HIVEP3: variants seen among roughly 807,000 people sequenced by gnomAD.
HIVEP3 encodes HIVEP zinc finger 3.
Under a neutral mutation model 152.8 loss-of-function variants are expected in HIVEP3, and 49 were observed. The ratio of observed to expected loss-of-function variants is 0.32; its 90% CI spans 0.26 to 0.41. HIVEP3 has a LOEUF of 0.41. Ranked by LOEUF, HIVEP3 falls within the 10% of genes least tolerant of loss-of-function variation. HIVEP3 has a pLI of 1.00. For missense variants in HIVEP3, 2,790 were observed against 3,103.3 expected, an observed-to-expected ratio of 0.90 and a Z score of 2.40; for synonymous variants, 1,269 against 1,289.0, an observed-to-expected ratio of 0.98 and a Z score of 0.33.
At chr1:41,702,187 C>T (rs571871474) in intron 1 of HIVEP3, among the ~76,000 whole-genome samples, 63 of 152,244 alleles carry the variant, frequency 4.1e-4, no homozygotes, top group African/African-American at 1.4e-3. Context: ...GGATTATCAT[C>T]ATCACCATCA....
At chr1:41,621,366 C>CA (rs748382195) in intron 3 of HIVEP3, among the ~76,000 whole-genome samples, 1 of 152,246 alleles carries the variant, frequency 6.6e-6, no homozygotes, top group Non-Finnish European at 1.5e-5. Context: ...TAAGCTTCCT[C>CA]ACCACCCCCA....
At chr1:41,860,914 A>C (rs1470104374) in intron 1 of HIVEP3, among the ~76,000 whole-genome samples, 1 of 152,262 alleles carries the variant, frequency 6.6e-6, no homozygotes, top group African/African-American at 2.4e-5. Context: ...CAGCCAAAAT[A>C]AAGCAAAAAG....
intron 2 of HIVEP3, among the ~76,000 whole-genome samples, chr1:41,683,858 G>A (rs537812881): frequency 6.6e-6 from 1 of 152,260 alleles, no homozygotes; most frequent in South Asian, 2.1e-4. Flanking sequence ...CCAGCACTTC[G>A]AGGTTCTTCC....
At chr1:41,638,055 T>C (rs74814028) in intron 2 of HIVEP3, among the ~76,000 whole-genome samples, 4,760 of 152,176 alleles carry the variant, frequency 0.031, 261 homozygotes, top group African/African-American at 0.11. Context: ...GGCTCTGAAG[T>C]TGGGAGAGTG....
intron 1 of HIVEP3, among the ~76,000 whole-genome samples, chr1:41,852,148 T>C (rs633520): frequency 0.75 from 113,894 of 152,230 alleles, 43,629 homozygotes; most frequent in African/African-American, 0.85. Flanking sequence ...CCATTCAGTC[T>C]TGCTGTTTTG....
intron 1 of HIVEP3, among the ~76,000 whole-genome samples, chr1:41,944,233 C>T (rs759350313): frequency 3.3e-5 from 5 of 152,120 alleles, no homozygotes; most frequent in Non-Finnish European, 4.4e-5. Context: ...TGTTAAATGC[C>T]GCTGAACTGT....
rs1432462284 is a variant in HIVEP3, at chr1:41,533,008, AG to A, written c.5208-8099del. Among the ~76,000 whole-genome samples, 1 of 152,174 alleles carries A rather than the reference AG, an allele frequency of 6.6e-6. No individual in the cohort carries two copies. Among genetic ancestry groups the A allele is most frequent in the African/African-American group, 2.4e-5 (1 of 41,442 alleles). On this transcript the variant is annotated intron_variant, in intron 5 of 8. Coordinates refer to ENST00000372583, the MANE Select transcript of HIVEP3 (RefSeq NM_024503.5). This position sits in a 1 kb window ranked among gnomAD's most constrained non-coding sequence, Gnocchi z 4.3. ...GGAAACTGGGAGAGAACTGTGGCTTAGCCAAGAGGAGAGGGTTTAGAGGAGG... is the reference window on the plus strand; with the variant it reads ...GGAAACTGGGAGAGAACTGTGGCTTACCAAGAGGAGAGGGTTTAGAGGAGG...
intron 5 of HIVEP3, among the ~76,000 whole-genome samples, chr1:41,568,576 GGT>G (rs1242232164): frequency 6.6e-6 from 1 of 152,230 alleles, no homozygotes; most frequent in East Asian, 1.9e-4. Context: ...GGTGGGAGCA[GGT>G]GACTGTAGGA....
rs1279057683 is a variant in HIVEP3 at position 41,518,409 on chromosome 1, G to A, written c.5463C>T (p.Ala1821=). 8 of 1,614,070 alleles carry A rather than the reference G, an allele frequency of 5.0e-6. No individual in the cohort carries two copies. Among genetic ancestry groups the A allele is most frequent in the South Asian group, 4.4e-5 (4 of 91,088 alleles). ...QETGVLEELE[A]EEGTSDDLFQ... ...AAGGTTGGCAATTGTTACCTTCTTC[G>A]GCTTCCAGCTCCTCCAGCACCCCTG... is the stretch of plus-strand genomic sequence containing the variant. Residue 1821 remains alanine (A), a synonymous_variant, in exon 7 of 9, where the codon GCC becomes GCT. Transcript: ENST00000372583.
rs937991864 is a variant in HIVEP3, at chr1:42,012,643, T to C, written n.119+23164A>G. ...AGGTGGAGGTTGCAGTGAGCCAAGA[T>C]TGTGCCGCTGCACTCCAGCCTGGGA... On this transcript the variant is annotated intron_variant and non_coding_transcript_variant, in intron 1 of 3. Transcript: ENST00000489103. 7.2e-5 allele frequency among the ~76,000 whole-genome samples: 11 copies of C among 152,074 alleles called. No individual in the cohort carries two copies. The South Asian group carries it at 1.0e-3, about 14-fold the overall frequency.
chr1:41,991,207 C>A (rs1406493830), intron 1 of HIVEP3, among the ~76,000 whole-genome samples: 1 of 152,098 alleles, frequency 6.6e-6, no homozygotes, highest in Non-Finnish European at 1.5e-5. Context: ...ATTAATGAAT[C>A]CAGGAGCTGG....
At chr1:41,614,107 C>T (rs1383591856) in intron 3 of HIVEP3, among the ~76,000 whole-genome samples, 1 of 152,226 alleles carries the variant, frequency 6.6e-6, no homozygotes, top group Non-Finnish European at 1.5e-5. Flanking sequence ...ATGTCTGTGA[C>T]TGGGCAGTGC....
chr1:41,912,249 T>C (rs772806866), intron 1 of HIVEP3, among the ~76,000 whole-genome samples: 13 of 152,194 alleles, frequency 8.5e-5, no homozygotes, highest in Non-Finnish European at 1.8e-4. Context: ...AGTAACATTC[T>C]TTTTCTCAAA....
intron 1 of HIVEP3, among the ~76,000 whole-genome samples, chr1:41,929,609 T>C (rs1343134531): frequency 6.6e-6 from 1 of 151,832 alleles, no homozygotes; most frequent in Non-Finnish European, 1.5e-5. Context: ...GCTACAGTGC[T>C]ACAGGCCATC....
intron 5 of HIVEP3, among the ~76,000 whole-genome samples, chr1:41,557,955 A>C (rs868011935): frequency 1.5e-4 from 23 of 152,146 alleles, no homozygotes; most frequent in African/African-American, 5.6e-4. Flanking sequence ...CAGTGGCCTC[A>C]CAGTAGTGAG....
intron 1 of HIVEP3, among the ~76,000 whole-genome samples, chr1:41,951,592 T>C (rs761199344): frequency 3.3e-5 from 5 of 152,308 alleles, no homozygotes; most frequent in South Asian, 2.1e-4. Context: ...TATGAAGAAA[T>C]GTCTGAGACT....
At chr1:41,619,855 G>A (rs1645021660) in intron 3 of HIVEP3, among the ~76,000 whole-genome samples, 1 of 152,182 alleles carries the variant, frequency 6.6e-6, no homozygotes, top group East Asian at 1.9e-4. Flanking sequence ...AATTCGCAGA[G>A]GTAGCCCCAG....
intron 3 of HIVEP3, among the ~76,000 whole-genome samples, chr1:41,616,232 G>C (rs554280785): frequency 1.3e-5 from 2 of 152,276 alleles, no homozygotes; most frequent in South Asian, 4.2e-4. Context: ...AGGAAACTTA[G>C]AGCACCCCAA....
At position 41,510,982 on chromosome 1, in the gene HIVEP3, G is replaced by C. The variant is rs141844226; in HGVS notation, c.6690C>G (p.Ser2230Arg). Residue 2230 changes from serine to arginine, a missense_variant, in exon 9 of 9, where the codon AGC becomes AGG. Transcript: ENST00000372583. Reference protein sequence around the residue: ...AWVSGFSGGGSDLTGAREAQE... With the variant: ...AWVSGFSGGGRDLTGAREAQE... ...GGGCCTCCCGGGCCCCTGTCAGGTC[G>C]CTGCCACCCCCGGAGAAGCCACTGA... is the stretch of plus-strand genomic sequence containing the variant. 3.7e-6 allele frequency: 6 copies of C among 1,613,368 alleles called. No homozygotes were observed. The highest frequency in any genetic ancestry group is 5.1e-6 in the Non-Finnish European group (6 of 1,179,826).
Sources: gnomAD v4.1 joint callset for allele counts (sites outside exome capture counted in the v4.1 genomes callset) on GRCh38, gnomAD v4.1.1 for gene constraint, Gnocchi (gnomAD v3.1) non-coding constraint, MANE v1.5 for transcripts, NCBI Gene and HGNC (gene_info 2026-07-23, HGNC 2026-07-21) for gene names.